The following ADCY4 variants were observed in gnomAD, a reference collection of about 807,000 sequenced individuals.
ADCY4 encodes adenylate cyclase type 4.
In ADCY4, 111 loss-of-function variants were observed where a neutral mutation model predicts 125.5. That is an observed-to-expected ratio of 0.88 (90% CI 0.76 to 1.04). ADCY4 has a LOEUF of 1.04. Ranked by LOEUF, ADCY4 falls within the 50% of genes least tolerant of loss-of-function variation. The pLI is 0.00. For missense variants in ADCY4, 1,256 were observed against 1,382.9 expected (o/e 0.91, Z 1.46); for synonymous variants, 576 against 586.9 (o/e 0.98, Z 0.27).
intron 9 of ADCY4, 41 bp downstream of exon 9, chr14:24,329,360 T>A (rs2139217571): frequency 6.5e-7 from 1 of 1,546,886 alleles, no homozygotes. Context: ...TGTGGGGTGG[T>A]TTGTGTAGGC....
At chr14:24,327,056 C>T (rs1162298766) in intron 10 of ADCY4, among the ~76,000 whole-genome samples, 1 of 151,934 alleles carries the variant, frequency 6.6e-6, no homozygotes, top group East Asian at 1.9e-4. Flanking sequence ...ACCACCACGC[C>T]TGGCTGATTT....
chr14:24,318,952 C>T, intron 23 of ADCY4, 146 bp downstream of exon 23: 1 of 1,386,626 alleles, frequency 7.2e-7, no homozygotes, highest in Non-Finnish European at 1.0e-6. Context: ...TACCTCCTTG[C>T]CCAGCACCTT....
rs760557441 is a variant in ADCY4 at position 24,318,600 on chromosome 14, G to GGGC, written c.3082-33_3082-32insGCC. The GGGC allele has an allele frequency of 2.5e-6, 4 of 1,613,970 alleles. No homozygotes were observed. In the African/African-American group the frequency reaches 5.3e-5, roughly 22 times the overall value. ...TTGGAGGGGGGCGAGGGAATATGGA[G>GGGC]GTGGCCCTATTCTTAGTCCCCCTCC... On this transcript the variant is annotated intron_variant, in intron 24 of 24. Coordinates refer to ENST00000418030, the MANE Select transcript of ADCY4 (RefSeq NM_001198568.2).
chr14:24,324,031 T>C, intron 16 of ADCY4, 31 bp downstream of exon 16: 1 of 1,609,362 alleles, frequency 6.2e-7, no homozygotes, highest in Non-Finnish European at 8.5e-7. Context: ...CATGCCCTCA[T>C]GGGGGTGGAT....
At position 24,332,638 on chromosome 14, in the gene ADCY4, G is replaced by A. The variant is rs2042060728; in HGVS notation, c.403C>T (p.Pro135Ser). 6 of 1,586,148 alleles carry A rather than the reference G, an allele frequency of 3.8e-6. No individual in the cohort carries two copies. Among genetic ancestry groups the A allele is most frequent in the South Asian group, 1.1e-5 (1 of 87,422 alleles). ...ACGGCGGCGTCCCGCATGCCCAAGG[G>A]CAGCATGGCATACGCCGTGAAGATG... Reference protein sequence around the residue: ...FVIFTAYAMLPLGMRDAAVAG... With the variant: ...FVIFTAYAMLSLGMRDAAVAG... Residue 135 changes from proline to serine, a missense_variant, in exon 3 of 25, where the codon CCC becomes TCC. Physicochemically the swap from Pro to Ser is moderately conservative, Grantham distance 74. Transcript: ENST00000418030.
At position 24,329,394 on chromosome 14, in the gene ADCY4, C is replaced by A. The variant is rs763850945; in HGVS notation, c.1350+7G>T. 6.5e-6 allele frequency: 10 copies of A among 1,549,612 alleles called. No individual in the cohort carries two copies. The highest frequency in any genetic ancestry group is 8.7e-6 in the Non-Finnish European group (10 of 1,152,078). On this transcript the variant is annotated splice_region_variant and intron_variant, in intron 9 of 24. Coordinates refer to ENST00000418030, the MANE Select transcript of ADCY4 (RefSeq NM_001198568.2). ...GCCAGCCCATGGGGTCTGGGCTGGGCTTTTACCCGTGGATCGATGACCAGA... is the reference window on the plus strand; with the variant it reads ...GCCAGCCCATGGGGTCTGGGCTGGGATTTTACCCGTGGATCGATGACCAGA...
In ADCY4 at chr14:24,331,027, C is replaced by T; in HGVS notation, c.921G>A (p.Gln307=). ...MLNELFGKFD[Q]IAKEHECMRI... ...GGAAGTCTTCTCTGACCTTGGCAAT[C>T]TGGTCGAACTTGCCAAAGAGCTCAT... The change falls in exon 6 of 25, where the codon CAG becomes CAA. Residue 307 remains glutamine (Q), a synonymous_variant. Coordinates refer to ENST00000418030, the MANE Select transcript of ADCY4 (RefSeq NM_001198568.2). The T allele has an allele frequency of 6.2e-7, 1 of 1,604,406 alleles. No individual in the cohort carries two copies. Among genetic ancestry groups the T allele is most frequent in the East Asian group, 2.2e-5 (1 of 44,660 alleles).
Position 24,319,552 on chromosome 14 carries a change from T to C in ADCY4, c.2734-116A>G. The C allele has an allele frequency of 7.8e-7, 1 of 1,274,612 alleles. No homozygotes were observed. The highest frequency in any genetic ancestry group is 1.3e-5 in the South Asian group (1 of 78,614). The allele number at this position is 1,274,612 out of a possible 1,614,324, so 79.0% of individuals were successfully genotyped here. On this transcript the variant is annotated intron_variant, in intron 21 of 24. Coordinates refer to ENST00000418030, the MANE Select transcript of ADCY4 (RefSeq NM_001198568.2). The surrounding 1 kb of genome is among the most constrained non-coding windows in gnomAD (Gnocchi z 4.5). ...GATCAGGCTGTGGGAGTGGAGATAGTGTCAGGAAGGAGAGGGTTGGTGGTG... is the reference window on the plus strand; with the variant it reads ...GATCAGGCTGTGGGAGTGGAGATAGCGTCAGGAAGGAGAGGGTTGGTGGTG...
chr14:24,332,711 G>A, intron 2 of ADCY4, 28 bp from the exon 3 acceptor site: 1 of 1,571,074 alleles, frequency 6.4e-7, no homozygotes, highest in Non-Finnish European at 8.6e-7. Flanking sequence ...GAAGCCGAAG[G>A]CCCAAGTGGG....
rs866354869 is a variant in ADCY4 at position 24,332,652 on chromosome 14, G to A, written c.389C>T (p.Ala130Val). 6.3e-7 allele frequency: 1 copy of A among 1,588,548 alleles called. No individual in the cohort carries two copies. The highest frequency in any genetic ancestry group is 1.3e-5 in the African/African-American group (1 of 74,744). Residue 130 changes from alanine to valine, a missense_variant, in exon 3 of 25, where the codon GCG (alanine) becomes GTG (valine). Ala to Val is a moderately conservative substitution (Grantham distance 64). Coordinates refer to ENST00000418030, the MANE Select transcript of ADCY4 (RefSeq NM_001198568.2). Reference protein sequence around the residue: ...VSYFLFVIFTAYAMLPLGMRD... With the variant: ...VSYFLFVIFTVYAMLPLGMRD... ...CATGCCCAAGGGCAGCATGGCATAC[G>A]CCGTGAAGATGACGAAGAGAAAATA...
At chr14:24,327,218 G>A (rs183869828) in intron 10 of ADCY4, among the ~76,000 whole-genome samples, 33 of 152,156 alleles carry the variant, frequency 2.2e-4, no homozygotes, top group African/African-American at 7.0e-4. Flanking sequence ...ATTTGACTGA[G>A]CCCCTGGAAC....
chr14:24,328,068 G>A (rs1456249795), intron 10 of ADCY4, among the ~76,000 whole-genome samples: 2 of 152,324 alleles, frequency 1.3e-5, no homozygotes, highest in East Asian at 3.9e-4. Flanking sequence ...AGACAGGAGT[G>A]CGAGCCTTCT....
chr14:24,325,367 G>T lies in ADCY4; in HGVS notation c.1823+10C>A. ...ACAGCCAGGGCCTCCTTTGCCTGGG[G>T]CACTCTCACCTGTTTGTCACTAGCA... On this transcript the variant is annotated intron_variant, in intron 14 of 24. Transcript: ENST00000418030. 6.2e-7 allele frequency: 1 copy of T among 1,611,336 alleles called. No homozygotes were observed. The highest frequency in any genetic ancestry group is 2.2e-5 in the East Asian group (1 of 44,868).
Position 24,334,829 on chromosome 14 carries a change from C to G in ADCY4, c.-177G>C. On this transcript the variant is annotated 5_prime_UTR_variant, in exon 1 of 25. Transcript: ENST00000418030. ...AGGCCCTCCCTGCGGCCTCCCAGCC[C>G]GCTCCCAGCTGGCGATGAGGGGATC... The G allele has an allele frequency of 3.4e-6, 2 of 583,942 alleles. No individual in the cohort carries two copies. The highest frequency in any genetic ancestry group is 3.0e-6 in the Non-Finnish European group (1 of 334,850). 36.2% of individuals were successfully genotyped at this position (583,942 alleles called of 1,614,324 possible).
In ADCY4 at chr14:24,325,802, C is replaced by A; in HGVS notation, c.1725+16G>T. On this transcript the variant is annotated intron_variant, in intron 13 of 24. Transcript: ENST00000418030. ...AAGTTGGGAAGTTGTTTGGTGCCAC[C>A]CACACCACAGCCCACCTCTTTCTCC... The A allele has an allele frequency of 6.3e-7, 1 of 1,587,366 alleles. No individual in the cohort carries two copies. The highest frequency in any genetic ancestry group is 2.3e-5 in the East Asian group (1 of 44,430).
At chr14:24,323,527 C>T in intron 16 of ADCY4, 73 bp from the exon 17 acceptor site, 2 of 1,535,634 alleles carry the variant, frequency 1.3e-6, no homozygotes, top group South Asian at 1.2e-5. Context: ...TGGGTTTCAG[C>T]TGACCCAGGG....
intron 20 of ADCY4, 31 bp downstream of exon 20, chr14:24,322,035 G>A (rs759407596): frequency 1.7e-5 from 27 of 1,588,566 alleles, no homozygotes; most frequent in African/African-American, 2.7e-5. Flanking sequence ...TATGGCATCC[G>A]TGGCTCAGGA....
intron 6 of ADCY4, 117 bp from the exon 7 acceptor site, chr14:24,330,412 A>G (rs2042023348): frequency 7.6e-6 from 11 of 1,451,848 alleles, no homozygotes; most frequent in African/African-American, 1.4e-5. Context: ...AAGGTGGGGT[A>G]GTGTCTAGAT....
chr14:24,326,421 G>A, intron 10 of ADCY4, 79 bp from the exon 11 acceptor site: 7 of 1,529,392 alleles, frequency 4.6e-6, no homozygotes, highest in Admixed American at 1.7e-5. Flanking sequence ...CACACTGCAT[G>A]CTCTATACAT....
Sources: allele counts gnomAD v4.1 joint callset (sites outside exome capture counted in the v4.1 genomes callset), GRCh38; gene constraint gnomAD v4.1.1; non-coding constraint Gnocchi (gnomAD v3.1); transcripts MANE v1.5; gene names NCBI Gene and HGNC (gene_info 2026-07-23, HGNC 2026-07-21).